Variants in UGGT1 observed in about 807,000 individuals in gnomAD.
UGGT1 encodes the protein UDP-glucose:glycoprotein glucosyltransferase 1.
Under a neutral mutation model 203.9 loss-of-function variants are expected in UGGT1, and 107 were observed. That is an observed-to-expected ratio of 0.52 (90% CI 0.45 to 0.62). The LOEUF is 0.62. Among genes scored for constraint, UGGT1 ranks in the 20% least tolerant of loss-of-function variants. The pLI, the probability that UGGT1 is intolerant of heterozygous loss-of-function variation, is 0.00. For missense variants in UGGT1, 1,673 were observed against 1,867.2 expected, an observed-to-expected ratio of 0.90 and a Z score of 1.92; for synonymous variants, 628 against 653.5, an observed-to-expected ratio of 0.96 and a Z score of 0.59.
rs142010048 is a variant in UGGT1 at position 128,110,692 on chromosome 2, A to G, written c.521+946A>G. Among the ~76,000 whole-genome samples, 674 of 152,334 alleles carry G rather than the reference A, an allele frequency of 4.4e-3. 2 individuals carry two copies. The highest frequency in any genetic ancestry group is 0.015 in the African/African-American group (640 of 41,582). The stretch of plus-strand genomic sequence containing the variant: ...CGGTAACTGCTTTTAATGGTTTGGC[A>G]TATATACCTTCAGACTTTTTTCTAT... On this transcript the variant is annotated intron_variant, in intron 5 of 40. Coordinates refer to ENST00000259253, the MANE Select transcript of UGGT1 (RefSeq NM_020120.4).
chr2:128,113,037 T>G, intron 5 of UGGT1, 47 bp from the exon 6 acceptor site: 2 of 1,436,810 alleles, frequency 1.4e-6, no homozygotes, highest in Admixed American at 2.5e-5. Context: ...ATTTTTAGTG[T>G]TTCACAATTA....
intron 23 of UGGT1, 135 bp downstream of exon 23, chr2:128,159,855 T>A: frequency 1.1e-6 from 1 of 891,482 alleles, no homozygotes; most frequent in South Asian, 1.9e-5. Context: ...TTTTTTTTAA[T>A]TTGGAAGTTT....
At chr2:128,161,381 C>A in intron 25 of UGGT1, 113 bp downstream of exon 25, 1 of 1,287,238 alleles carries the variant, frequency 7.8e-7, no homozygotes, top group Non-Finnish European at 1.1e-6. Context: ...GTTTTATTTC[C>A]AGTTTAAAAT....
Position 128,186,663 on chromosome 2 carries a change from ATT to A in UGGT1, c.4360-12_4360-11del. On this transcript the variant is annotated intron_variant, in intron 38 of 40. Transcript: ENST00000259253. ...CTTTAGATACATGTATTTTATTTTT[ATT>A]TTTTTTTAACCAAACAGGATCTGCC... The A allele has an allele frequency of 6.6e-7, 1 of 1,524,696 alleles. No individual in the cohort carries two copies. Among genetic ancestry groups the A allele is most frequent in the Non-Finnish European group, 9.0e-7 (1 of 1,116,804 alleles). 94.4% of individuals were successfully genotyped at this position (1,524,696 alleles called of 1,614,324 possible).
intron 28 of UGGT1, 85 bp downstream of exon 28, chr2:128,171,369 T>C: frequency 8.0e-7 from 1 of 1,249,532 alleles, no homozygotes; most frequent in South Asian, 1.4e-5. Context: ...TCAGATGGAT[T>C]TATAGGTGGA....
chr2:128,152,980 AT>A, intron 19 of UGGT1, 76 bp downstream of exon 19: 11 of 1,593,514 alleles, frequency 6.9e-6, no homozygotes, highest in Non-Finnish European at 9.4e-6. Context: ...TCAGATTTTA[AT>A]ATTCTGATTA....
rs377342883 is a variant in UGGT1, at chr2:128,175,036, A to G, written c.3539+178A>G. On this transcript the variant is annotated intron_variant, in intron 31 of 40. Coordinates refer to ENST00000259253, the MANE Select transcript of UGGT1 (RefSeq NM_020120.4). ...GGAAGAATTGTTAGAATAGAATTAG[A>G]TAATAAGAGGTATAGATGCTAATGA... 2.6e-5 allele frequency among the ~76,000 whole-genome samples: 4 copies of G among 152,370 alleles called. No individual in the cohort carries two copies. In the East Asian group the frequency reaches 7.7e-4, roughly 29 times the overall value.
At chr2:128,176,974 A>C in intron 32 of UGGT1, 76 bp downstream of exon 32, 1 of 1,415,698 alleles carries the variant, frequency 7.1e-7, no homozygotes. Context: ...GAACCAGCCC[A>C]AGAGTCTCTT....
intron 26 of UGGT1, among the ~76,000 whole-genome samples, chr2:128,168,766 G>T (rs1558814027): frequency 6.6e-6 from 1 of 152,172 alleles, no homozygotes; most frequent in Non-Finnish European, 1.5e-5. Flanking sequence ...AGACAAGGGG[G>T]CTGGGCATGA....
chr2:128,151,422 A>G (rs1689966930), intron 18 of UGGT1: 1 of 362,906 alleles, frequency 2.8e-6, no homozygotes. Flanking sequence ...TGGGCTTCTA[A>G]TTGGAGTCAA....
rs967793291 is a variant in UGGT1 at position 128,193,796 on chromosome 2, T to C, written c.*4054T>C. 3.9e-5 allele frequency: 6 copies of C among 152,048 alleles called. No homozygotes were observed. The highest frequency in any genetic ancestry group is 1.4e-4 in the African/African-American group (6 of 41,388). The allele number at this position is 152,048 out of a possible 1,614,324, so 9.4% of individuals were successfully genotyped here. On this transcript the variant is annotated 3_prime_UTR_variant, in exon 41 of 41. Transcript: ENST00000259253. ...AGTGACAAGTGTAAAATGACTCCCT[T>C]CCTCCCCCGCCCTCCGGAAGTATAT...
chr2:128,106,399 A>T (rs1687607178), intron 3 of UGGT1, among the ~76,000 whole-genome samples: 1 of 152,130 alleles, frequency 6.6e-6, no homozygotes, highest in Admixed American at 6.6e-5. Flanking sequence ...AATATTATTT[A>T]TATTCCTGCC....
intron 16 of UGGT1, among the ~76,000 whole-genome samples, chr2:128,141,672 G>A (rs1573561711): frequency 6.9e-6 from 1 of 145,472 alleles, no homozygotes. Flanking sequence ...GAATAGCTGG[G>A]ATTAGACGCC....
chr2:128,182,944 A>G (rs1256652705), intron 37 of UGGT1, among the ~76,000 whole-genome samples: 2 of 141,324 alleles, frequency 1.4e-5, no homozygotes, highest in Admixed American at 7.5e-5. Context: ...TGTCATATAC[A>G]TCTTCTCAGT....
chr2:128,181,184 G>C, intron 36 of UGGT1, 112 bp downstream of exon 36: 1 of 953,546 alleles, frequency 1.0e-6, no homozygotes, highest in Non-Finnish European at 1.6e-6. Context: ...TTTACATTTA[G>C]AAAATATGAA....
At chr2:128,160,234 T>G (rs1690457511) in intron 23 of UGGT1, among the ~76,000 whole-genome samples, 1 of 152,188 alleles carries the variant, frequency 6.6e-6, no homozygotes, top group South Asian at 2.1e-4. Flanking sequence ...TGATGAATAG[T>G]CTGCTAGTCG....
chr2:128,187,320 G>T, intron 39 of UGGT1, 129 bp from the exon 40 acceptor site: 1 of 967,912 alleles, frequency 1.0e-6, no homozygotes, highest in Non-Finnish European at 1.5e-6. Context: ...ATTGCTTCTG[G>T]TAGTATATCA....
chr2:128,120,263 G>C (rs4662593), intron 8 of UGGT1, 93 bp from the exon 9 acceptor site: 1,136,461 of 1,198,972 alleles, frequency 0.95, 541,327 homozygotes, highest in Non-Finnish European at 0.98. Flanking sequence ...AGGGTTGGGA[G>C]AGGAAAACCA....
At chr2:128,099,526 C>T (rs1193124334) in intron 2 of UGGT1, among the ~76,000 whole-genome samples, 2 of 152,108 alleles carry the variant, frequency 1.3e-5, no homozygotes, top group African/African-American at 2.4e-5. Context: ...ATTGTGTGAA[C>T]GAATGGTTGC....
Sources: gnomAD v4.1 joint callset for allele counts (sites outside exome capture counted in the v4.1 genomes callset) on GRCh38, gnomAD v4.1.1 for gene constraint, MANE v1.5 for transcripts, NCBI Gene and HGNC (gene_info 2026-07-23, HGNC 2026-07-21) for gene names.